The following KTN1 variants were observed in gnomAD, a reference collection of about 807,000 sequenced individuals.
The protein encoded by KTN1 is kinectin.
KTN1 carries 130 observed loss-of-function variants against 222.5 expected under a neutral mutation model. The ratio of observed to expected loss-of-function variants is 0.58; its 90% CI spans 0.51 to 0.68. The LOEUF is 0.68. Ranked by LOEUF, KTN1 falls within the 30% of genes least tolerant of loss-of-function variation. The pLI, the probability that KTN1 is intolerant of heterozygous loss-of-function variation, is 0.00. For missense variants in KTN1, 1,508 were observed against 1,500.4 expected, an observed-to-expected ratio of 1.01 and a Z score of -0.08; for synonymous variants, 512 against 496.3, an observed-to-expected ratio of 1.03 and a Z score of -0.42.
rs2045598210 is a variant in KTN1 at position 55,673,195 on chromosome 14, G to A, written c.3711G>A (p.Leu1237=). Residue 1237 remains leucine, a synonymous_variant, in exon 40 of 44, where the codon TTG becomes TTA. Transcript: ENST00000395314. The part of the protein sequence containing the change: ...VRELKDLLTE[L]QKKLDDSYSE... The stretch of plus-strand genomic sequence containing the variant: ...AGCTGAAAGATCTGTTGACTGAATT[G>A]CAGAAAAAACTTGATGATTCATATT... 4 of 1,612,832 alleles carry A rather than the reference G, an allele frequency of 2.5e-6. No individual in the cohort carries two copies. The highest frequency in any genetic ancestry group is 3.4e-6 in the Non-Finnish European group (4 of 1,179,268).
At chr14:55,643,116 G>A (rs1354539802) in intron 18 of KTN1, among the ~76,000 whole-genome samples, 1 of 152,068 alleles carries the variant, frequency 6.6e-6, no homozygotes, top group African/African-American at 2.4e-5. Context: ...TGCAATATTA[G>A]CCAGGCTGGT....
intron 1 of KTN1, among the ~76,000 whole-genome samples, chr14:55,586,670 G>T: frequency 6.6e-6 from 1 of 151,994 alleles, no homozygotes; most frequent in Non-Finnish European, 1.5e-5. Context: ...CTAAATTAAG[G>T]TTATAAGGAT....
chr14:55,661,359 A>T (rs75995815), intron 31 of KTN1, 163 bp from the exon 32 acceptor site: 13 of 472,236 alleles, frequency 2.8e-5, no homozygotes, highest in African/African-American at 1.6e-4. Context: ...AATTCATAGG[A>T]TGGGCTTTGT....
intron 1 of KTN1, among the ~76,000 whole-genome samples, chr14:55,581,051 G>T (rs1337912362): frequency 6.6e-6 from 1 of 152,238 alleles, no homozygotes; most frequent in African/African-American, 2.4e-5. Flanking sequence ...GTCCCCGAGG[G>T]GTGTGTCCTA....
At chr14:55,627,764 T>G (rs1345582267) in intron 5 of KTN1, 148 bp from the exon 6 acceptor site, 4 of 476,732 alleles carry the variant, frequency 8.4e-6, no homozygotes, top group Admixed American at 3.5e-5. Flanking sequence ...GGTTTCCAGC[T>G]TCATCCACGT....
At chr14:55,661,213 G>A (rs1229618928) in intron 31 of KTN1, 4 of 189,322 alleles carry the variant, frequency 2.1e-5, no homozygotes, top group Admixed American at 1.8e-4. Flanking sequence ...ACTGTGTACT[G>A]ACCCAGGTAA....
At chr14:55,626,013 A>G (rs905950455) in intron 5 of KTN1, among the ~76,000 whole-genome samples, 1 of 152,158 alleles carries the variant, frequency 6.6e-6, no homozygotes, top group Admixed American at 6.6e-5. Context: ...TAATTGTACT[A>G]TAATATGGCT....
intron 7 of KTN1, among the ~76,000 whole-genome samples, chr14:55,630,509 G>C (rs151110602): frequency 3.9e-5 from 6 of 152,198 alleles, no homozygotes; most frequent in African/African-American, 2.4e-5. Flanking sequence ...TGATAGTTCA[G>C]TGGGTATATT....
chr14:55,613,303 A>G (rs1228641439), intron 2 of KTN1, among the ~76,000 whole-genome samples: 1 of 152,032 alleles, frequency 6.6e-6, no homozygotes, highest in African/African-American at 2.4e-5. Flanking sequence ...GTTAAGTACT[A>G]GTTAGGTTTT....
At chr14:55,646,464 CCTTTCCTTTCCTTTCCTTT>C (rs1566788189) in intron 18 of KTN1, among the ~76,000 whole-genome samples, 281 of 23,414 alleles carry the variant, frequency 0.012, 10 homozygotes, top group African/African-American at 0.034. Context: ...TTTTCCTTTT[CCTTTCCTTTCCTTTCCTTT>C]CCTTTCCTTT....
At chr14:55,661,061 G>A (rs148977404) in intron 31 of KTN1, among the ~76,000 whole-genome samples, 99 of 152,272 alleles carry the variant, frequency 6.5e-4, no homozygotes, top group African/African-American at 2.2e-3. Context: ...GAAAATGGCA[G>A]GAAAACACTG....
chr14:55,668,921 G>A (rs1001898099), intron 34 of KTN1: 2 of 152,024 alleles, frequency 1.3e-5, no homozygotes, highest in Non-Finnish European at 2.9e-5. Context: ...GATATGTTCC[G>A]ATCTGATCAG....
At chr14:55,679,455 G>C in intron 42 of KTN1, 110 bp from the exon 43 acceptor site, 1 of 889,322 alleles carries the variant, frequency 1.1e-6, no homozygotes, top group East Asian at 2.6e-5. Context: ...TCATTGTTCA[G>C]ATTTTTTAAT....
intron 1 of KTN1, among the ~76,000 whole-genome samples, chr14:55,592,080 T>C (rs1008718004): frequency 2.6e-5 from 4 of 152,202 alleles, no homozygotes; most frequent in Non-Finnish European, 4.4e-5. Context: ...GACTTTCTTA[T>C]GGTGTCTCTA....
At chr14:55,658,811 AAAT>A (rs1224846410) in intron 30 of KTN1, among the ~76,000 whole-genome samples, 197 bp downstream of exon 30, 1 of 152,214 alleles carries the variant, frequency 6.6e-6, no homozygotes, top group African/African-American at 2.4e-5. Flanking sequence ...AAGTATACAC[AAAT>A]AATATTATTG....
chr14:55,649,684 G>T (rs1259172174), intron 21 of KTN1, 92 bp from the exon 22 acceptor site: 1 of 755,128 alleles, frequency 1.3e-6, no homozygotes, highest in Non-Finnish European at 2.2e-6. Context: ...GATTTTGATT[G>T]TATTGGAAAA....
chr14:55,625,655 T>A (rs934858985), intron 5 of KTN1, among the ~76,000 whole-genome samples: 1 of 152,194 alleles, frequency 6.6e-6, no homozygotes, highest in African/African-American at 2.4e-5. Flanking sequence ...GAAGTTGTTT[T>A]TCCTGGGATT....
intron 31 of KTN1, 79 bp downstream of exon 31, chr14:55,659,782 A>G (rs2043911919): frequency 1.2e-6 from 1 of 820,104 alleles, no homozygotes; most frequent in African/African-American, 1.7e-5. Context: ...TAAGCAATTT[A>G]GTGTAACTGC....
chr14:55,665,770 G>A (rs2044668015), intron 33 of KTN1, among the ~76,000 whole-genome samples: 1 of 151,978 alleles, frequency 6.6e-6, no homozygotes, highest in Non-Finnish European at 1.5e-5. Flanking sequence ...ATCTTTCCCA[G>A]ATGTTAAAGT....
Sources: allele counts gnomAD v4.1 joint callset (sites outside exome capture counted in the v4.1 genomes callset), GRCh38; gene constraint gnomAD v4.1.1; transcripts MANE v1.5; gene names NCBI Gene and HGNC (gene_info 2026-07-23, HGNC 2026-07-21).